Variants in HMCN2 observed in about 807,000 individuals in gnomAD.
HMCN2 encodes hemicentin 2.
HMCN2 carries 325 observed loss-of-function variants against 377.5 expected under a neutral mutation model. That is an observed-to-expected ratio of 0.86 (90% CI 0.79 to 0.94). The LOEUF is 0.94. Among genes scored for constraint, HMCN2 ranks in the 40% least tolerant of loss-of-function variants. The pLI, the probability that HMCN2 is intolerant of heterozygous loss-of-function variation, is 0.00. For missense variants in HMCN2, 4,543 were observed against 4,725.3 expected, an observed-to-expected ratio of 0.96 and a Z score of 1.13; for synonymous variants, 2,007 against 2,046.8, an observed-to-expected ratio of 0.98 and a Z score of 0.53.
chr9:130,373,416 G>A (rs9776338), intron 48 of HMCN2, among the ~76,000 whole-genome samples: 78,168 of 151,986 alleles, frequency 0.51, 21,704 homozygotes, highest in Admixed American at 0.62. Context: ...GCTCCCACAA[G>A]CCCCAGTGCT....
At chr9:130,349,424 G>A (rs746736387) in intron 28 of HMCN2, 113 bp from the exon 29 acceptor site, 5 of 1,178,042 alleles carry the variant, frequency 4.2e-6, no homozygotes, top group Non-Finnish European at 5.5e-6. Context: ...TCCCAGGAAG[G>A]TCAGGTAGGA....
At position 130,368,325 on chromosome 9, in the gene HMCN2, G is replaced by C. The variant is rs1042273371; in HGVS notation, c.6675G>C (p.Val2225=). 16 of 985,656 alleles carry C rather than the reference G, an allele frequency of 1.6e-5. No individual in the cohort carries two copies. The South Asian group carries it at 5.6e-4, about 35-fold the overall frequency. 61.1% of individuals were successfully genotyped at this position (985,656 alleles called of 1,614,324 possible). A position where few individuals can be genotyped will look rare whatever the true frequency, so the allele number is the denominator to read the frequency against. ...EGAGLQHVSA[V]GRLLYLGQAQ... is the part of the protein sequence containing the mutation. ...CTGGCCTCCAGCACGTGTCGGCTGTGGGGAGGCTGTTGTACCTGGGACAGG... is the reference window on the plus strand; with the variant it reads ...CTGGCCTCCAGCACGTGTCGGCTGTCGGGAGGCTGTTGTACCTGGGACAGG... The change falls in exon 44 of 98, where the codon GTG becomes GTC. Residue 2225 remains valine (V), a synonymous_variant. Transcript: ENST00000683500.
rs955206780 is a variant in HMCN2 at position 130,385,445 on chromosome 9, G to T, written c.9107-115G>T. ...CTCCCCTGGGTCTGCGCCAGCCCCC[G>T]GGGCTGGGTCTGCTGTGTGACCCTG... is the stretch of plus-strand genomic sequence containing the variant. On this transcript the variant is annotated intron_variant, in intron 59 of 97. Coordinates refer to ENST00000683500, the MANE Select transcript of HMCN2 (RefSeq NM_001291815.2). The T allele has an allele frequency of 2.3e-5, 14 of 620,408 alleles. No homozygotes were observed. In the African/African-American group the frequency reaches 2.5e-4, roughly 11 times the overall value. 38.4% of individuals were successfully genotyped at this position (620,408 alleles called of 1,614,324 possible).
At chr9:130,312,297 G>T (rs1837286959) in intron 15 of HMCN2, among the ~76,000 whole-genome samples, 1 of 151,932 alleles carries the variant, frequency 6.6e-6, no homozygotes, top group African/African-American at 2.4e-5. Flanking sequence ...GTGTGAGCAA[G>T]AGAGAAGGAA....
At chr9:130,266,254 G>T in intron 1 of HMCN2, 117 bp downstream of exon 1, 1 of 357,208 alleles carries the variant, frequency 2.8e-6, no homozygotes, top group South Asian at 2.1e-5. Context: ...GCGGCTTGGC[G>T]GGCGCGCCTT....
At chr9:130,281,597 CA>C (rs34694457) in intron 1 of HMCN2, among the ~76,000 whole-genome samples, 115,294 of 148,134 alleles carry the variant, frequency 0.78, 44,980 homozygotes, top group East Asian at 0.89. Flanking sequence ...GACTCAGTCT[CA>C]AAAAAAAAAA....
Position 130,423,969 on chromosome 9 carries a change from C to T in HMCN2, c.13382-807C>T, listed in dbSNP as rs1844166297. Among the ~76,000 whole-genome samples the T allele has an allele frequency of 6.6e-6, 1 of 151,814 alleles. No homozygotes were observed. On this transcript the variant is annotated intron_variant, in intron 87 of 97. Transcript: ENST00000683500. The surrounding 1 kb of genome is among the most constrained non-coding windows in gnomAD (Gnocchi z 5.5). ...GAGTTAAATATCAACAAGGTACATGCATTTATTTCTTCTTTTTTTTTTCTT... is the reference window on the plus strand; with the variant it reads ...GAGTTAAATATCAACAAGGTACATGTATTTATTTCTTCTTTTTTTTTTCTT...
intron 77 of HMCN2, among the ~76,000 whole-genome samples, chr9:130,401,654 G>A (rs1842859707): frequency 6.6e-6 from 1 of 152,058 alleles, no homozygotes; most frequent in African/African-American, 2.4e-5. Flanking sequence ...GTCTTTGCCT[G>A]TCAAAATAAA....
chr9:130,432,567 G>A lies in HMCN2; in HGVS notation c.14894+12G>A. On this transcript the variant is annotated intron_variant, in intron 97 of 97. Coordinates refer to ENST00000683500, the MANE Select transcript of HMCN2 (RefSeq NM_001291815.2). ...GGCCCCAGCCCTGGGTAAGGGCTGAGTTGGCAGGGCCTCGTGCCCTCAGGA... is the reference window on the plus strand; with the variant it reads ...GGCCCCAGCCCTGGGTAAGGGCTGAATTGGCAGGGCCTCGTGCCCTCAGGA... The A allele has an allele frequency of 6.5e-7, 1 of 1,549,042 alleles. No homozygotes were observed. The highest frequency in any genetic ancestry group is 8.7e-7 in the Non-Finnish European group (1 of 1,145,950).
Position 130,377,800 on chromosome 9 carries a change from G to A in HMCN2, c.8212+1G>A. On this transcript the variant is annotated splice_donor_variant, in intron 53 of 97. Coordinates refer to ENST00000683500, the MANE Select transcript of HMCN2 (RefSeq NM_001291815.2). LOFTEE classifies it high-confidence loss of function. ...CAGGACTTCAACGTGCTCATCCAGG[G>A]TGCGTGGCGCCAGTGGGCCAGGGGT... 1 of 986,010 alleles carries A rather than the reference G, an allele frequency of 1.0e-6. No homozygotes were observed. The highest frequency in any genetic ancestry group is 4.7e-5 in the South Asian group (1 of 21,294). The allele number at this position is 986,010 out of a possible 1,614,324, so 61.1% of individuals were successfully genotyped here.
intron 1 of HMCN2, among the ~76,000 whole-genome samples, chr9:130,281,866 G>A (rs1835140343): frequency 6.7e-6 from 1 of 149,324 alleles, no homozygotes; most frequent in African/African-American, 2.5e-5. Context: ...CTCCAGCCTG[G>A]GTGACAGAGC....
In HMCN2 at chr9:130,279,326, G is replaced by A. The variant is rs527356536; in HGVS notation, c.260-5277G>A. Reference sequence around the variant, plus strand: ...TTTCCACATCTTTAGAAAGGTGGGGGTCTTCAGATCTCTTCCTCCTCAACA... The same window carrying A: ...TTTCCACATCTTTAGAAAGGTGGGGATCTTCAGATCTCTTCCTCCTCAACA... On this transcript the variant is annotated intron_variant, in intron 1 of 97. Transcript: ENST00000683500. Among the ~76,000 whole-genome samples, 8 of 152,186 alleles carry A rather than the reference G, an allele frequency of 5.3e-5. No homozygotes were observed. In the South Asian group the frequency reaches 1.7e-3, roughly 32 times the overall value.
intron 19 of HMCN2, among the ~76,000 whole-genome samples, chr9:130,322,959 A>AG (rs1837932160): frequency 6.6e-6 from 1 of 152,178 alleles, no homozygotes; most frequent in African/African-American, 2.4e-5. Flanking sequence ...CCCATTTTAT[A>AG]GGGGAGTGCA....
rs138979602 is a variant in HMCN2 at position 130,396,051 on chromosome 9, G to T, written c.11039G>T (p.Arg3680Leu). The change falls in exon 72 of 98, where the codon CGC becomes CTC. Residue 3680 changes from arginine (R) to leucine (L), a missense_variant. Transcript: ENST00000683500. ...GCAGGCAGCACTAGTGTCGCCTTCC[G>T]CGTGGAGATCCACAGTGAGTAGGGC... is the stretch of plus-strand genomic sequence containing the variant. ...NAAGSTSVAF[R>L]VEIHTVPTIR... 26,230 of 1,284,110 alleles carry T rather than the reference G, an allele frequency of 0.02. 598 individuals are homozygous for T. The highest frequency in any genetic ancestry group is 0.11 in the African/African-American group (7,284 of 65,732). 79.5% of individuals were successfully genotyped at this position (1,284,110 alleles called of 1,614,324 possible).
chr9:130,403,676 T>A, intron 79 of HMCN2, 65 bp from the exon 80 acceptor site: 1 of 1,264,168 alleles, frequency 7.9e-7, no homozygotes, highest in Non-Finnish European at 1.0e-6. Flanking sequence ...AATAGCCCAA[T>A]CTGCCCACCT....
chr9:130,302,280 T>C (rs1267217126), intron 8 of HMCN2, among the ~76,000 whole-genome samples: 3 of 152,186 alleles, frequency 2.0e-5, no homozygotes, highest in Non-Finnish European at 4.4e-5. Context: ...ACTCCTGACC[T>C]CATGATCTGC....
At chr9:130,353,541 C>T (rs990120634) in intron 31 of HMCN2, among the ~76,000 whole-genome samples, 2 of 152,228 alleles carry the variant, frequency 1.3e-5, no homozygotes, top group Non-Finnish European at 2.9e-5. Flanking sequence ...CTGCCCTCAG[C>T]TCATCACTTC....
intron 1 of HMCN2, among the ~76,000 whole-genome samples, chr9:130,284,028 C>T (rs1835283062): frequency 6.6e-6 from 1 of 152,210 alleles, no homozygotes; most frequent in African/African-American, 2.4e-5. Context: ...GTGTTCCCAC[C>T]AGCAGTGAAT....
chr9:130,370,440 G>A (rs1472354576), intron 45 of HMCN2, among the ~76,000 whole-genome samples: 1 of 152,164 alleles, frequency 6.6e-6, no homozygotes, highest in African/African-American at 2.4e-5. Context: ...TGGGAGAGGT[G>A]GGCGGGGATC....
Sources: allele counts gnomAD v4.1 joint callset (sites outside exome capture counted in the v4.1 genomes callset), GRCh38; gene constraint gnomAD v4.1.1; non-coding constraint Gnocchi (gnomAD v3.1); transcripts MANE v1.5; gene names NCBI Gene and HGNC (gene_info 2026-07-23, HGNC 2026-07-21).